The following PLPPR4 variants were observed in gnomAD, a reference collection of about 807,000 sequenced individuals.
The protein encoded by PLPPR4 is phospholipid phosphatase related 4.
Under a neutral mutation model 56.6 loss-of-function variants are expected in PLPPR4, and 24 were observed. The ratio of observed to expected loss-of-function variants is 0.42; its 90% CI spans 0.31 to 0.60. The LOEUF is 0.60. Ranked by LOEUF, PLPPR4 falls within the 20% of genes least tolerant of loss-of-function variation. PLPPR4 has a pLI of 0.13. For missense variants in PLPPR4, 654 were observed against 885.8 expected (o/e 0.74, Z 3.32); for synonymous variants, 326 against 328.1 (o/e 0.99, Z 0.07).
intron 1 of PLPPR4, among the ~76,000 whole-genome samples, chr1:99,274,503 T>C (rs1659135715): frequency 6.6e-6 from 1 of 152,156 alleles, no homozygotes; most frequent in Non-Finnish European, 1.5e-5. Context: ...TTGTTTTTTA[T>C]TGGTATCACA....
At chr1:99,285,295 A>G (rs1180023551) in intron 1 of PLPPR4, among the ~76,000 whole-genome samples, 1 of 152,200 alleles carries the variant, frequency 6.6e-6, no homozygotes, top group Non-Finnish European at 1.5e-5. Flanking sequence ...AAATTAATTA[A>G]AATTTCTAAA....
intron 6 of PLPPR4, among the ~76,000 whole-genome samples, chr1:99,302,900 A>T (rs1369025565): frequency 1.3e-5 from 2 of 151,358 alleles, no homozygotes; most frequent in East Asian, 1.9e-4. Context: ...ACATTTTCTT[A>T]ATCCAGTCTA....
chr1:99,290,641 C>A (rs1659591866), intron 2 of PLPPR4, among the ~76,000 whole-genome samples: 2 of 152,002 alleles, frequency 1.3e-5, no homozygotes, highest in Non-Finnish European at 2.9e-5. Context: ...TAAGACTGCA[C>A]ACCTACAACT....
At chr1:99,288,527 G>C (rs766952321) in intron 2 of PLPPR4, among the ~76,000 whole-genome samples, 4 of 151,874 alleles carry the variant, frequency 2.6e-5, no homozygotes, top group Non-Finnish European at 5.9e-5. Flanking sequence ...AAATTACATA[G>C]CCAAAAGTGC....
chr1:99,296,509 A>G (rs1056870462), intron 2 of PLPPR4, among the ~76,000 whole-genome samples: 2 of 152,224 alleles, frequency 1.3e-5, no homozygotes, highest in African/African-American at 2.4e-5. Flanking sequence ...CCAGTACATG[A>G]GAGTCCAGAA....
intron 1 of PLPPR4, among the ~76,000 whole-genome samples, chr1:99,282,337 A>G (rs1659350641): frequency 6.6e-6 from 1 of 152,142 alleles, no homozygotes; most frequent in African/African-American, 2.4e-5. Flanking sequence ...TATCTCCAGT[A>G]CTAAACTCTA....
chr1:99,292,411 G>A (rs1305159292), intron 2 of PLPPR4, among the ~76,000 whole-genome samples: 1 of 152,116 alleles, frequency 6.6e-6, no homozygotes, highest in Non-Finnish European at 1.5e-5. Flanking sequence ...CTTTCTTGAG[G>A]CCTGAGAAAT....
In PLPPR4 at chr1:99,292,869, G is replaced by C. The variant is rs189503996; in HGVS notation, c.265-3869G>C. On this transcript the variant is annotated intron_variant, in intron 2 of 6. Coordinates refer to ENST00000370185, the MANE Select transcript of PLPPR4 (RefSeq NM_014839.5). The stretch of plus-strand genomic sequence containing the variant: ...CAGTGTCTGCAGTCATCTTGTTCTA[G>C]AACCATAATTCTATCTCGAATCTTC... Among the ~76,000 whole-genome samples, 4 of 151,748 alleles carry C rather than the reference G, an allele frequency of 2.6e-5. No individual in the cohort carries two copies. In the East Asian group the frequency reaches 7.7e-4, roughly 29 times the overall value.
intron 1 of PLPPR4, among the ~76,000 whole-genome samples, chr1:99,284,105 A>T (rs1419795588): frequency 6.6e-6 from 1 of 152,208 alleles, no homozygotes; most frequent in Non-Finnish European, 1.5e-5. Flanking sequence ...AATGCAATCG[A>T]AACAAGTCTG....
intron 4 of PLPPR4, 121 bp from the exon 5 acceptor site, chr1:99,300,788 A>C (rs557370209): frequency 1.4e-6 from 1 of 731,178 alleles, no homozygotes; most frequent in East Asian, 2.6e-5. Flanking sequence ...CAGAAGGTAA[A>C]ATTATTGCTT....
chr1:99,265,180 T>A (rs1658863410), intron 1 of PLPPR4, among the ~76,000 whole-genome samples: 2 of 139,680 alleles, frequency 1.4e-5, no homozygotes, highest in South Asian at 5.3e-4. Flanking sequence ...ATTATATTAT[T>A]TTGGTGCTCA....
At position 99,305,686 on chromosome 1, in the gene PLPPR4, G is replaced by T; in HGVS notation, c.824G>T (p.Gly275Val). Residue 275 changes from glycine (G) to valine (V), a missense_variant and splice_region_variant, in exon 7 of 7, where the codon GGC (glycine) becomes GTC (valine). Gly to Val is a moderately radical substitution (Grantham distance 109, BLOSUM62 -3). This residue lies in a region of PLPPR4 where 468 missense variants were observed against 554.3 expected (regional missense o/e 0.84). Transcript: ENST00000370185. ...LIGGGIALYL[G>V]LYAVGNFLPS... The stretch of plus-strand genomic sequence containing the variant: ...TTATTGCTTTCTCTCAAACACTAGG[G>T]CTTGTATGCTGTGGGGAATTTCCTG... The T allele has an allele frequency of 1.9e-6, 3 of 1,611,248 alleles. No individual in the cohort carries two copies. Among genetic ancestry groups the T allele is most frequent in the Non-Finnish European group, 2.5e-6 (3 of 1,178,782 alleles).
chr1:99,297,356 C>G (rs1293923237), intron 3 of PLPPR4, among the ~76,000 whole-genome samples: 4 of 152,060 alleles, frequency 2.6e-5, no homozygotes, highest in Non-Finnish European at 4.4e-5. Flanking sequence ...GTTGTAGCCC[C>G]TAATGTTACC....
At chr1:99,271,196 C>T (rs190675783) in intron 1 of PLPPR4, among the ~76,000 whole-genome samples, 2 of 152,282 alleles carry the variant, frequency 1.3e-5, no homozygotes, top group East Asian at 3.9e-4. Flanking sequence ...TTCAAGTCTT[C>T]TTTATATGGC....
upstream of PLPPR4, chr1:99,264,182 A>T: frequency 2.0e-6 from 1 of 503,348 alleles, no homozygotes; most frequent in Non-Finnish European, 3.5e-6. Context: ...CAGCCTAACT[A>T]CTGCAGAAAC....
At chr1:99,264,741 A>G in intron 1 of PLPPR4, 70 bp downstream of exon 1, 5 of 1,508,692 alleles carry the variant, frequency 3.3e-6, no homozygotes, top group Non-Finnish European at 4.5e-6. Context: ...CAGGTCCTGG[A>G]CAGTGTTGGA....
intron 1 of PLPPR4, among the ~76,000 whole-genome samples, chr1:99,275,921 G>A (rs901332602): frequency 3.9e-5 from 6 of 152,042 alleles, no homozygotes; most frequent in African/African-American, 1.4e-4. Context: ...AGGGGTATGA[G>A]GTACCTCATA....
chr1:99,265,424 C>T (rs1222553192), intron 1 of PLPPR4, among the ~76,000 whole-genome samples: 3 of 152,220 alleles, frequency 2.0e-5, no homozygotes, highest in Non-Finnish European at 1.5e-5. Flanking sequence ...CTCTAACTTA[C>T]CAAAATGCAG....
intron 6 of PLPPR4, among the ~76,000 whole-genome samples, chr1:99,304,722 A>G (rs1447290251): frequency 6.6e-6 from 1 of 152,214 alleles, no homozygotes; most frequent in Admixed American, 6.5e-5. Context: ...AGCATTCTAT[A>G]AAATGTTAAA....
Sources: gnomAD v4.1 joint callset for allele counts (sites outside exome capture counted in the v4.1 genomes callset) on GRCh38, gnomAD v4.1.1 for gene constraint, gnomAD v4.1.1 regional missense constraint, MANE v1.5 for transcripts, NCBI Gene and HGNC (gene_info 2026-07-23, HGNC 2026-07-21) for gene names.